Variants in AK5 observed in about 807,000 individuals in gnomAD.
AK5 encodes adenylate kinase 5, also known as adenylate kinase isoenzyme 5.
A neutral mutation model predicts 69.5 loss-of-function variants in AK5; 27 were observed. That is an observed-to-expected ratio of 0.39 (90% CI 0.29 to 0.54). The LOEUF (loss-of-function observed/expected upper bound fraction) is 0.54. Ranked by LOEUF, AK5 falls within the 20% of genes least tolerant of loss-of-function variation. The probability of loss-of-function intolerance (pLI) is 0.71; values close to 1 mark genes in which losing one functional copy is unlikely to be tolerated. For missense variants in AK5, 531 were observed against 700.4 expected (o/e 0.76, Z 2.73); for synonymous variants, 260 against 244.4 (o/e 1.06, Z -0.60).
intron 9 of AK5, 71 bp from the exon 10 acceptor site, chr1:77,486,237 A>G (rs1557627846): frequency 9.8e-7 from 1 of 1,022,474 alleles, no homozygotes; most frequent in Non-Finnish European, 1.5e-6. Context: ...GGGTTTTTAT[A>G]TAATATGAGT....
chr1:77,407,652 T>C (rs925774629), intron 6 of AK5, among the ~76,000 whole-genome samples: 9 of 152,162 alleles, frequency 5.9e-5, no homozygotes, highest in African/African-American at 1.7e-4. Context: ...TTATTTTGAT[T>C]TGGGGTACAT....
chr1:77,351,222 C>A (rs557348305), intron 6 of AK5, among the ~76,000 whole-genome samples: 2 of 151,996 alleles, frequency 1.3e-5, no homozygotes, highest in African/African-American at 4.8e-5. Context: ...GGCGAAACCC[C>A]ATCTCTACCA....
At chr1:77,497,021 C>G (rs930976302) in intron 10 of AK5, among the ~76,000 whole-genome samples, 3 of 152,222 alleles carry the variant, frequency 2.0e-5, no homozygotes, top group East Asian at 3.9e-4. Context: ...GGGTCCCCTT[C>G]CATGCTGTGG....
At chr1:77,549,056 AG>A in intron 13 of AK5, among the ~76,000 whole-genome samples, 1 of 151,804 alleles carries the variant, frequency 6.6e-6, no homozygotes, top group Non-Finnish European at 1.5e-5. Context: ...TTGTATTTTT[AG>A]TAGAGACTGG....
chr1:77,495,998 G>C (rs568441480), intron 10 of AK5, among the ~76,000 whole-genome samples: 53 of 152,278 alleles, frequency 3.5e-4, no homozygotes, highest in African/African-American at 1.2e-3. Flanking sequence ...GGCAGCCTAA[G>C]GATACAAAGA....
At chr1:77,332,041 G>C (rs1162260492) in intron 5 of AK5, among the ~76,000 whole-genome samples, 1 of 151,974 alleles carries the variant, frequency 6.6e-6, no homozygotes, top group Non-Finnish European at 1.5e-5. Context: ...CAGGCTCAGG[G>C]GATCCTCCCA....
intron 6 of AK5, among the ~76,000 whole-genome samples, chr1:77,402,848 C>T (rs1649329365): frequency 6.6e-6 from 1 of 152,144 alleles, no homozygotes; most frequent in Non-Finnish European, 1.5e-5. Flanking sequence ...ATTTCTAGTT[C>T]TAGATCCCTG....
intron 10 of AK5, among the ~76,000 whole-genome samples, chr1:77,495,277 T>G (rs922355832): frequency 3.9e-5 from 6 of 152,184 alleles, no homozygotes; most frequent in African/African-American, 1.4e-4. Flanking sequence ...CTCTAGAAGT[T>G]TCTGTAAAAG....
At chr1:77,367,612 T>TATATATATAAA (rs1646990304) in intron 6 of AK5, among the ~76,000 whole-genome samples, 1 of 68,746 alleles carries the variant, frequency 1.5e-5, no homozygotes, top group African/African-American at 7.2e-5. Flanking sequence ...ATATATGTAA[T>TATATATATAAA]ATATATGTTA....
chr1:77,392,994 G>GTGA (rs1431692594), intron 6 of AK5, among the ~76,000 whole-genome samples: 1 of 152,080 alleles, frequency 6.6e-6, no homozygotes, highest in Non-Finnish European at 1.5e-5. Flanking sequence ...GTGCGGTGAT[G>GTGA]TGATCACAGC....
chr1:77,415,101 C>CA (rs986259682), intron 7 of AK5, among the ~76,000 whole-genome samples: 11 of 149,828 alleles, frequency 7.3e-5, no homozygotes, highest in South Asian at 2.1e-4. Context: ...GAGACTCTGT[C>CA]AAAAAAAAAC....
chr1:77,493,889 T>C (rs1656145974), intron 10 of AK5, among the ~76,000 whole-genome samples: 1 of 152,230 alleles, frequency 6.6e-6, no homozygotes, highest in South Asian at 2.1e-4. Context: ...TACTTAATGA[T>C]ACAAACCTTT....
chr1:77,459,197 C>G (rs1276414557), intron 8 of AK5, among the ~76,000 whole-genome samples: 1 of 152,156 alleles, frequency 6.6e-6, no homozygotes, highest in Non-Finnish European at 1.5e-5. Context: ...TTAAATAGAT[C>G]TAAATTTATT....
At chr1:77,295,342 A>G (rs1658933563) in intron 3 of AK5, among the ~76,000 whole-genome samples, 2 of 152,240 alleles carry the variant, frequency 1.3e-5, no homozygotes, top group South Asian at 4.1e-4. Flanking sequence ...TCACCAGACT[A>G]GAAGGAATGA....
intron 13 of AK5, among the ~76,000 whole-genome samples, chr1:77,536,417 A>G (rs939560308): frequency 1.3e-5 from 2 of 152,176 alleles, no homozygotes; most frequent in African/African-American, 2.4e-5. Flanking sequence ...TTGTGCCACT[A>G]CACTCCAGCC....
intron 8 of AK5, among the ~76,000 whole-genome samples, chr1:77,445,916 T>A (rs191714261): frequency 6.6e-6 from 1 of 152,208 alleles, no homozygotes; most frequent in South Asian, 2.1e-4. Flanking sequence ...TTTCGTTCAC[T>A]GTGCAGCTTT....
chr1:77,428,549 G>A (rs1233668274), intron 8 of AK5, among the ~76,000 whole-genome samples: 1 of 152,126 alleles, frequency 6.6e-6, no homozygotes, highest in Non-Finnish European at 1.5e-5. Flanking sequence ...CAGCTTCAAA[G>A]GAGGAGGTGT....
chr1:77,314,967 G>T (rs909371114), intron 5 of AK5: 1 of 152,020 alleles, frequency 6.6e-6, no homozygotes. Context: ...ATTGTACTTT[G>T]TCCTGGAAAC....
chr1:77,495,928 G>A (rs894737994), intron 10 of AK5, among the ~76,000 whole-genome samples: 2 of 152,146 alleles, frequency 1.3e-5, no homozygotes, highest in Non-Finnish European at 2.9e-5. Flanking sequence ...TATGGCTTTG[G>A]GTGAATTTTG....
Sources: gnomAD v4.1 joint callset for allele counts (sites outside exome capture counted in the v4.1 genomes callset) on GRCh38, gnomAD v4.1.1 for gene constraint, MANE v1.5 for transcripts, NCBI Gene and HGNC (gene_info 2026-07-23, HGNC 2026-07-21) for gene names.